Variants in ADCY9 observed in about 807,000 individuals in gnomAD.
The protein encoded by ADCY9 is adenylate cyclase type 9.
A neutral mutation model predicts 101.5 loss-of-function variants in ADCY9; 50 were observed. The observed-to-expected ratio is 0.49, with a 90% confidence interval of 0.39 to 0.62. The LOEUF (loss-of-function observed/expected upper bound fraction) is 0.62. Among genes scored for constraint, ADCY9 ranks in the 20% least tolerant of loss-of-function variants. ADCY9 has a pLI of 0.00. For synonymous variants in ADCY9, 905 were observed against 769.3 expected (o/e 1.18, Z -2.92); for missense variants, 1,662 against 1,800.4 (o/e 0.92, Z 1.39).
chr16:4,034,273 A>G (rs1008141240), intron 2 of ADCY9, among the ~76,000 whole-genome samples: 19 of 152,150 alleles, frequency 1.2e-4, no homozygotes, highest in African/African-American at 3.1e-4. Flanking sequence ...CTTGGTGTCC[A>G]TATCTACTCC....
chr16:3,989,568 C>A (rs745939463), intron 5 of ADCY9, among the ~76,000 whole-genome samples: 5 of 152,102 alleles, frequency 3.3e-5, no homozygotes, highest in Non-Finnish European at 7.3e-5. Flanking sequence ...TTAGCAGACG[C>A]GGGGTTTCAC....
intron 2 of ADCY9, among the ~76,000 whole-genome samples, chr16:4,110,402 T>TTTG (rs1477089686): frequency 2.1e-5 from 3 of 141,598 alleles, no homozygotes; most frequent in African/African-American, 5.5e-5. Context: ...TTTTTTTTTT[T>TTTG]GAGACGCAGT....
intron 7 of ADCY9, among the ~76,000 whole-genome samples, chr16:3,980,633 C>G (rs991211401): frequency 6.6e-6 from 1 of 152,234 alleles, no homozygotes; most frequent in African/African-American, 2.4e-5. Flanking sequence ...GGCGAGGGAA[C>G]GCTCACTCTC....
intron 2 of ADCY9, among the ~76,000 whole-genome samples, chr16:4,110,892 T>C (rs1387308185): frequency 2.0e-5 from 3 of 152,178 alleles, no homozygotes; most frequent in Non-Finnish European, 2.9e-5. Flanking sequence ...CCCATCCCTG[T>C]ATCAGCTAGT....
chr16:3,978,365 G>T (rs2141684100), intron 8 of ADCY9, among the ~76,000 whole-genome samples: 1 of 152,352 alleles, frequency 6.6e-6, no homozygotes, highest in East Asian at 1.9e-4. Flanking sequence ...TGCACCAGAA[G>T]GATCATCTCC....
intron 5 of ADCY9, among the ~76,000 whole-genome samples, chr16:3,991,795 C>T (rs998523929): frequency 3.2e-5 from 4 of 126,914 alleles, no homozygotes; most frequent in African/African-American, 8.6e-5. Flanking sequence ...AAAAGCCAGG[C>T]GTGGTGGCTC....
chr16:3,961,718 G>A (rs1412851492), downstream of ADCY9, among the ~76,000 whole-genome samples: 1 of 151,944 alleles, frequency 6.6e-6, no homozygotes, highest in African/African-American at 2.4e-5. Flanking sequence ...GTGCCCTGAA[G>A]TTGGTCATAA....
chr16:3,977,831 C>T (rs1228386081), intron 8 of ADCY9, among the ~76,000 whole-genome samples: 1 of 152,162 alleles, frequency 6.6e-6, no homozygotes, highest in Non-Finnish European at 1.5e-5. Context: ...ATTCTCCTAC[C>T]TCAGCCTCAT....
intron 10 of ADCY9, among the ~76,000 whole-genome samples, chr16:3,972,383 C>T (rs987160732): frequency 2.0e-5 from 3 of 151,976 alleles, no homozygotes; most frequent in East Asian, 3.9e-4. Context: ...GTGCCCGCCA[C>T]CACGTCCAGC....
intron 10 of ADCY9, among the ~76,000 whole-genome samples, chr16:3,967,192 G>A (rs2056006699): frequency 1.3e-5 from 2 of 152,206 alleles, no homozygotes; most frequent in African/African-American, 2.4e-5. Context: ...GTCTCACTGT[G>A]TTGCCCAGGC....
At chr16:4,027,744 GTCC>G (rs1290136625) in intron 2 of ADCY9, among the ~76,000 whole-genome samples, 1 of 152,054 alleles carries the variant, frequency 6.6e-6, no homozygotes, top group African/African-American at 2.4e-5. Flanking sequence ...GGGTGTGGTG[GTCC>G]ATGCCTGTAA....
chr16:4,108,360 A>ATTTTTTTTTTTTTTTTTT (rs869169536), intron 2 of ADCY9, among the ~76,000 whole-genome samples: 3 of 53,712 alleles, frequency 5.6e-5, no homozygotes, highest in African/African-American at 1.4e-4. Context: ...CCGTTTCTTC[A>ATTTTTTTTTTTTTTTTTT]TTTTTTTTTT....
At chr16:4,033,474 G>A (rs1235928263) in intron 2 of ADCY9, among the ~76,000 whole-genome samples, 1 of 138,868 alleles carries the variant, frequency 7.2e-6, no homozygotes, top group African/African-American at 2.8e-5. Flanking sequence ...TTGCTCTGTC[G>A]CCAGGCCAGA....
intron 2 of ADCY9, among the ~76,000 whole-genome samples, chr16:4,023,211 G>A (rs1450632015): frequency 1.3e-5 from 2 of 152,202 alleles, no homozygotes; most frequent in South Asian, 2.1e-4. Context: ...CACGCTAGAC[G>A]CTGGTGATAA....
chr16:4,051,234 G>A (rs1597193139), intron 2 of ADCY9, among the ~76,000 whole-genome samples: 1 of 150,742 alleles, frequency 6.6e-6, no homozygotes, highest in African/African-American at 2.4e-5. Flanking sequence ...AAACAAAAAC[G>A]AAAAAACCTG....
At chr16:3,984,637 G>A (rs537580285) in intron 6 of ADCY9, among the ~76,000 whole-genome samples, 2 of 152,356 alleles carry the variant, frequency 1.3e-5, no homozygotes, top group African/African-American at 4.8e-5. Context: ...ACTCCTGAGT[G>A]TGTCCCTAAC....
chr16:4,100,478 T>A (rs76628721), intron 2 of ADCY9, among the ~76,000 whole-genome samples: 1 of 151,970 alleles, frequency 6.6e-6, no homozygotes, highest in African/African-American at 2.4e-5. Flanking sequence ...TAGAGGCGTA[T>A]GCCACCACGC....
intron 2 of ADCY9, among the ~76,000 whole-genome samples, chr16:4,079,110 C>T (rs1258662246): frequency 1.3e-5 from 2 of 152,136 alleles, no homozygotes; most frequent in Non-Finnish European, 2.9e-5. Context: ...TTATACAATG[C>T]ATCCTGATGT....
chr16:4,073,631 G>T (rs1465251277), intron 2 of ADCY9, among the ~76,000 whole-genome samples: 1 of 152,116 alleles, frequency 6.6e-6, no homozygotes, highest in Non-Finnish European at 1.5e-5. Flanking sequence ...CCTGACTGCA[G>T]GTGATCCACC....
Sources: allele counts gnomAD v4.1 joint callset (sites outside exome capture counted in the v4.1 genomes callset), GRCh38; gene constraint gnomAD v4.1.1; transcripts MANE v1.5; gene names NCBI Gene and HGNC (gene_info 2026-07-23, HGNC 2026-07-21).